Variants in NCBP2 observed in about 807,000 individuals in gnomAD.
The protein encoded by NCBP2 is nuclear cap binding protein subunit 2, also known as nuclear cap-binding protein subunit 2.
Under a neutral mutation model 21.5 loss-of-function variants are expected in NCBP2, and 8 were observed. The observed-to-expected ratio is 0.37, with a 90% CI of 0.22 to 0.67. The LOEUF (loss-of-function observed/expected upper bound fraction) is 0.67, where lower values mean the gene tolerates loss of function less well. Ranked by LOEUF, NCBP2 falls within the 30% of genes least tolerant of loss-of-function variation. The probability of loss-of-function intolerance (pLI) is 0.56; values close to 1 mark genes in which losing one functional copy is unlikely to be tolerated. For synonymous variants in NCBP2, 92 were observed against 75.8 expected, an observed-to-expected ratio of 1.21 and a Z score of -1.11; for missense variants, 127 against 206.9, an observed-to-expected ratio of 0.61 and a Z score of 2.37.
chr3:196,939,392 C>T lies in NCBP2; in HGVS notation c.119G>A (p.Cys40Tyr). The change falls in exon 2 of 4, where the codon TGT becomes TAT. Residue 40 changes from cysteine to tyrosine, a missense_variant. Transcript: ENST00000321256. ...EEQEKLLKKS[C>Y]TLYVGNLSFY... ...AGAAAGATTTCCAACATATAACGTACAGCTTTTCTTCAGTAATTTTTCTTG... is the reference window on the plus strand; with the variant it reads ...AGAAAGATTTCCAACATATAACGTATAGCTTTTCTTCAGTAATTTTTCTTG... 1 of 1,611,570 alleles carries T rather than the reference C, an allele frequency of 6.2e-7. No homozygotes were observed. The highest frequency in any genetic ancestry group is 8.5e-7 in the Non-Finnish European group (1 of 1,178,840).
Position 196,939,336 on chromosome 3 carries a change from G to A in NCBP2, c.175C>T (p.Leu59Phe). The change falls in exon 2 of 4, where the codon CTC (leucine) becomes TTC (phenylalanine). Residue 59 changes from leucine (L) to phenylalanine (F), a missense_variant. Leu to Phe is a conservative substitution (Grantham distance 22). Transcript: ENST00000321256. ...FYTTEEQIYE[L>F]FSKSGDIKKI... The stretch of plus-strand genomic sequence containing the variant: ...TTTATGTCACCACTTTTGCTGAAGA[G>A]TTCATAGATTTGTTCTTCAGTTGTG... The A allele has an allele frequency of 1.2e-6, 2 of 1,612,666 alleles. No individual in the cohort carries two copies. Among genetic ancestry groups the A allele is most frequent in the Non-Finnish European group, 1.7e-6 (2 of 1,178,692 alleles).
chr3:196,937,415 T>C (rs1716314374), intron 3 of NCBP2, 95 bp downstream of exon 3: 1 of 1,542,492 alleles, frequency 6.5e-7, no homozygotes, highest in East Asian at 2.3e-5. Flanking sequence ...AGACACAAAG[T>C]TATTTACAAA....
chr3:196,939,663 A>C (rs1207777734), intron 1 of NCBP2, among the ~76,000 whole-genome samples: 1 of 152,194 alleles, frequency 6.6e-6, no homozygotes, highest in African/African-American at 2.4e-5. Flanking sequence ...CACATACAAC[A>C]AAGTCACTTC....
intron 2 of NCBP2, 148 bp downstream of exon 2, chr3:196,939,103 G>A (rs749942995): frequency 1.1e-5 from 7 of 626,430 alleles, no homozygotes; most frequent in Non-Finnish European, 1.9e-5. Flanking sequence ...AATAGTATCA[G>A]CTTTACAGTA....
chr3:196,941,839 G>A (rs1475323101), intron 1 of NCBP2: 29 of 1,402,232 alleles, frequency 2.1e-5, no homozygotes, highest in Non-Finnish European at 2.8e-5. Context: ...CTTTACATCC[G>A]AACACCCTCA....
intron 1 of NCBP2, chr3:196,941,916 A>G (rs780153959): frequency 9.8e-6 from 15 of 1,536,004 alleles, no homozygotes; most frequent in Non-Finnish European, 1.3e-5. Flanking sequence ...TGAGGACTCC[A>G]CTTGTGTCTC....
intron 1 of NCBP2, 32 bp from the exon 2 acceptor site, chr3:196,939,464 A>C: frequency 6.8e-7 from 1 of 1,479,436 alleles, no homozygotes; most frequent in Non-Finnish European, 9.3e-7. Flanking sequence ...AAAGTTAAGC[A>C]ACTTCAGAGC....
At chr3:196,941,484 T>TA (rs1237964973) in intron 1 of NCBP2, 1 of 179,766 alleles carries the variant, frequency 5.6e-6, no homozygotes, top group East Asian at 1.6e-4. Context: ...TCTCCACACT[T>TA]ACCCTCTGCT....
intron 2 of NCBP2, 143 bp downstream of exon 2, chr3:196,939,108 A>G (rs974595834): frequency 6.3e-6 from 4 of 639,382 alleles, no homozygotes; most frequent in African/African-American, 1.8e-5. Flanking sequence ...TATCAGCTTT[A>G]CAGTATAAGG....
chr3:196,941,927 C>T (rs937153583), intron 1 of NCBP2: 2 of 1,536,266 alleles, frequency 1.3e-6, no homozygotes, highest in Admixed American at 3.9e-5. Context: ...CTTGTGTCTC[C>T]CACGCACCGC....
At chr3:196,941,882 T>C in intron 1 of NCBP2, 2 of 1,534,954 alleles carry the variant, frequency 1.3e-6, no homozygotes, top group South Asian at 2.4e-5. Flanking sequence ...ACCTCCCCAC[T>C]CCGAAGCTTC....
At chr3:196,938,143 CAAAT>C (rs1179603576) in intron 2 of NCBP2, 1 of 153,432 alleles carries the variant, frequency 6.5e-6, no homozygotes, top group African/African-American at 2.4e-5. Flanking sequence ...TAATCTCAGA[CAAAT>C]AAAAATAAGA....
At chr3:196,940,717 T>C (rs1716503340) in intron 1 of NCBP2, among the ~76,000 whole-genome samples, 1 of 152,218 alleles carries the variant, frequency 6.6e-6, no homozygotes, top group South Asian at 2.1e-4. Context: ...AGTCAGAAGG[T>C]TCCAGTTTTC....
At position 196,936,186 on chromosome 3, in the gene NCBP2, A is replaced by T. The variant is rs1464449468; in HGVS notation, c.*825T>A. 3 of 152,042 alleles carry T rather than the reference A, an allele frequency of 2.0e-5. No individual in the cohort carries two copies. Among genetic ancestry groups the T allele is most frequent in the Admixed American group, 6.6e-5 (1 of 15,266 alleles). 9.4% of individuals were successfully genotyped at this position (152,042 alleles called of 1,614,324 possible). A position where few individuals can be genotyped will look rare whatever the true frequency, so the allele number is the denominator to read the frequency against. ...CTATGACAAACCCTTGCTTTTTTTT[A>T]GCTTTAGGTATAACACTGACATCTT... On this transcript the variant is annotated 3_prime_UTR_variant, in exon 4 of 4. Coordinates refer to ENST00000321256, the MANE Select transcript of NCBP2 (RefSeq NM_007362.5).
At chr3:196,937,314 G>A in intron 3 of NCBP2, 196 bp downstream of exon 3, 1 of 832,272 alleles carries the variant, frequency 1.2e-6, no homozygotes, top group South Asian at 1.7e-5. Context: ...TTGCTTGTTA[G>A]AAACGTACAG....
At chr3:196,941,326 G>A (rs1309514486) in intron 1 of NCBP2, among the ~76,000 whole-genome samples, 1 of 152,096 alleles carries the variant, frequency 6.6e-6, no homozygotes, top group Admixed American at 6.5e-5. Flanking sequence ...TCCTAACCTC[G>A]TGATCCACCC....
Position 196,936,666 on chromosome 3 carries a change from CA to C in NCBP2, c.*344del, listed in dbSNP as rs1159430346. Reference sequence around the variant, plus strand: ...GTAGATCATGAACCTACTTAAGACTCATTATGGTAAAAACAAATTCTTACAT... The same window carrying C: ...GTAGATCATGAACCTACTTAAGACTCTTATGGTAAAAACAAATTCTTACAT... On this transcript the variant is annotated 3_prime_UTR_variant, in exon 4 of 4. Transcript: ENST00000321256. 3.3e-6 allele frequency: 1 copy of C among 299,190 alleles called. No individual in the cohort carries two copies. Among genetic ancestry groups the C allele is most frequent in the Admixed American group, 4.7e-5 (1 of 21,382 alleles). The allele number at this position is 299,190 out of a possible 1,614,324, so 18.5% of individuals were successfully genotyped here. A position where few individuals can be genotyped will look rare whatever the true frequency, so the allele number is the denominator to read the frequency against.
In NCBP2 at chr3:196,936,711, G is replaced by T. The variant is rs773831651; in HGVS notation, c.*300C>A. The T allele has an allele frequency of 2.4e-6, 1 of 413,842 alleles. No homozygotes were observed. The highest frequency in any genetic ancestry group is 4.4e-6 in the Non-Finnish European group (1 of 227,748). The allele number at this position is 413,842 out of a possible 1,614,324, so 25.6% of individuals were successfully genotyped here. A position where few individuals can be genotyped will look rare whatever the true frequency, so the allele number is the denominator to read the frequency against. On this transcript the variant is annotated 3_prime_UTR_variant, in exon 4 of 4. Coordinates refer to ENST00000321256, the MANE Select transcript of NCBP2 (RefSeq NM_007362.5). ...CTTACATTTTTCTGTCTTTCTAAAA[G>T]TGTAGTGGTTATGGCTAAAGACTAA...
In NCBP2 at chr3:196,937,548, CCTT is replaced by C; in HGVS notation, c.358_360del (p.Lys120del). ...CGCCCACGGCCGTATTGCCTGCCCT[CCTT>C]AAAGCCTGCGTCCCAGTCTGTGCGA... On this transcript the variant is annotated inframe_deletion, in exon 3 of 4. Coordinates refer to ENST00000321256, the MANE Select transcript of NCBP2 (RefSeq NM_007362.5). 6.2e-7 allele frequency: 1 copy of C among 1,614,228 alleles called. No homozygotes were observed. Among genetic ancestry groups the C allele is most frequent in the Non-Finnish European group, 8.5e-7 (1 of 1,180,054 alleles).
Sources: allele counts gnomAD v4.1 joint callset (sites outside exome capture counted in the v4.1 genomes callset), GRCh38; gene constraint gnomAD v4.1.1; transcripts MANE v1.5; gene names NCBI Gene and HGNC (gene_info 2026-07-23, HGNC 2026-07-21).